Variants in MAML2 observed in about 807,000 individuals in gnomAD.
MAML2 encodes the protein mastermind like transcriptional coactivator 2.
A neutral mutation model predicts 96.1 loss-of-function variants in MAML2; 22 were observed. The ratio of observed to expected loss-of-function variants is 0.23; its 90% CI spans 0.16 to 0.33. MAML2 has a LOEUF of 0.33. MAML2 is among the 10% of genes least tolerant of loss of function. MAML2 has a pLI of 1.00. For synonymous variants in MAML2, 561 were observed against 521.3 expected, an observed-to-expected ratio of 1.08 and a Z score of -1.04; for missense variants, 1,367 against 1,392.4, an observed-to-expected ratio of 0.98 and a Z score of 0.29.
At chr11:96,008,234 G>A (rs115654477) in intron 2 of MAML2, among the ~76,000 whole-genome samples, 3 of 28,018 alleles carry the variant, frequency 1.1e-4, no homozygotes, top group African/African-American at 2.0e-4. Context: ...TGGGTAGGTT[G>A]GTTGTATCGG....
intron 1 of MAML2, among the ~76,000 whole-genome samples, chr11:96,314,405 C>A (rs1863599786): frequency 6.6e-6 from 1 of 152,178 alleles, no homozygotes; most frequent in African/African-American, 2.4e-5. Context: ...TCTTGATATC[C>A]CCTCTTTCCT....
intron 1 of MAML2, among the ~76,000 whole-genome samples, chr11:96,143,059 T>G (rs1860760724): frequency 6.6e-6 from 1 of 152,226 alleles, no homozygotes; most frequent in African/African-American, 2.4e-5. Flanking sequence ...ATTTAGACTT[T>G]TATTGGAATA....
At chr11:96,054,809 A>C (rs1321210495) in intron 2 of MAML2, among the ~76,000 whole-genome samples, 1 of 152,192 alleles carries the variant, frequency 6.6e-6, no homozygotes, top group Non-Finnish European at 1.5e-5. Context: ...AAACTAAATA[A>C]AGAGTTTGAG....
At chr11:96,159,274 T>G (rs559115070) in intron 1 of MAML2, among the ~76,000 whole-genome samples, 1 of 152,242 alleles carries the variant, frequency 6.6e-6, no homozygotes, top group East Asian at 1.9e-4. Context: ...GGATGAAGTC[T>G]CCACAGCAGT....
chr11:96,275,313 T>A (rs1202614888), intron 1 of MAML2, among the ~76,000 whole-genome samples: 1 of 143,430 alleles, frequency 7.0e-6, no homozygotes, highest in Non-Finnish European at 1.5e-5. Flanking sequence ...AGTCTCGCTC[T>A]GTCACCCAGG....
intron 1 of MAML2, among the ~76,000 whole-genome samples, chr11:96,191,847 T>C (rs1861658777): frequency 6.6e-6 from 1 of 151,394 alleles, no homozygotes; most frequent in Admixed American, 6.6e-5. Context: ...GCTAACTGGA[T>C]GTAGACCCAA....
chr11:96,146,913 C>A (rs911742533), intron 1 of MAML2, among the ~76,000 whole-genome samples: 3 of 152,034 alleles, frequency 2.0e-5, no homozygotes, highest in Admixed American at 6.5e-5. Context: ...TGGTGCCAGA[C>A]CAACCTGTTT....
At chr11:96,033,515 T>A (rs1858651471) in intron 2 of MAML2, among the ~76,000 whole-genome samples, 1 of 152,236 alleles carries the variant, frequency 6.6e-6, no homozygotes, top group Admixed American at 6.5e-5. Flanking sequence ...GTGAGCTCCT[T>A]GAAGACAGGG....
intron 1 of MAML2, among the ~76,000 whole-genome samples, chr11:96,271,545 C>T (rs1862915305): frequency 6.6e-6 from 1 of 152,174 alleles, no homozygotes; most frequent in Non-Finnish European, 1.5e-5. Flanking sequence ...ATGCTGTTCT[C>T]ATGATAGTGA....
At chr11:96,019,673 GATAATAATAATTATAATAATA>G (rs1231614763) in intron 2 of MAML2, among the ~76,000 whole-genome samples, 7 of 12,452 alleles carry the variant, frequency 5.6e-4, no homozygotes, top group Admixed American at 7.5e-4. Context: ...GCCAAGGGCT[GATAATAATAATTATAATAATA>G]ATAATAATAA....
intron 1 of MAML2, among the ~76,000 whole-genome samples, chr11:96,295,943 C>CACACACACAG (rs1410114008): frequency 2.9e-5 from 4 of 135,762 alleles, no homozygotes; most frequent in African/African-American, 1.0e-4. Flanking sequence ...AGTAAACACA[C>CACACACACAG]ACACACACAC....
chr11:96,205,860 A>AGCTAAT (rs1717125939), intron 1 of MAML2, among the ~76,000 whole-genome samples: 1 of 152,206 alleles, frequency 6.6e-6, no homozygotes, highest in Admixed American at 6.5e-5. Context: ...TCTGGCTTAC[A>AGCTAAT]GCTAATACAG....
chr11:96,076,562 A>C (rs1228877889), intron 2 of MAML2, among the ~76,000 whole-genome samples: 1 of 151,924 alleles, frequency 6.6e-6, no homozygotes, highest in Non-Finnish European at 1.5e-5. Flanking sequence ...CGGCATCTGA[A>C]TTTGGCAGGG....
intron 1 of MAML2, among the ~76,000 whole-genome samples, chr11:96,133,466 C>T (rs898045259): frequency 6.6e-6 from 1 of 151,996 alleles, no homozygotes; most frequent in African/African-American, 2.4e-5. Context: ...AGTGGTAGCC[C>T]GTATACAGTC....
At chr11:96,124,649 C>A (rs1349527292) in intron 1 of MAML2, among the ~76,000 whole-genome samples, 2 of 152,134 alleles carry the variant, frequency 1.3e-5, no homozygotes, top group Non-Finnish European at 2.9e-5. Flanking sequence ...ATCATCACTA[C>A]CATCATTATG....
At chr11:96,123,975 T>C (rs371322860) in intron 1 of MAML2, among the ~76,000 whole-genome samples, 2 of 150,552 alleles carry the variant, frequency 1.3e-5, no homozygotes, top group East Asian at 3.9e-4. Flanking sequence ...GAGGCTGTAG[T>C]AGGAGAGTCG....
chr11:96,120,791 T>G (rs1273566856), intron 1 of MAML2, among the ~76,000 whole-genome samples: 1 of 152,124 alleles, frequency 6.6e-6, no homozygotes, highest in African/African-American at 2.4e-5. Context: ...AAAGAGTCCC[T>G]GGATGATGAT....
chr11:96,242,827 AC>A (rs1862454229), intron 1 of MAML2, among the ~76,000 whole-genome samples: 1 of 152,228 alleles, frequency 6.6e-6, no homozygotes, highest in South Asian at 2.1e-4. Flanking sequence ...ACTTAGGTTT[AC>A]CTGTGGAAGC....
intron 2 of MAML2, among the ~76,000 whole-genome samples, chr11:95,999,891 C>T (rs552937588): frequency 6.6e-6 from 1 of 152,274 alleles, no homozygotes; most frequent in South Asian, 2.1e-4. Flanking sequence ...TCCCTACCCA[C>T]TTCTCTCTTT....
Sources: gnomAD v4.1 joint callset for allele counts (sites outside exome capture counted in the v4.1 genomes callset) on GRCh38, gnomAD v4.1.1 for gene constraint, MANE v1.5 for transcripts, NCBI Gene and HGNC (gene_info 2026-07-23, HGNC 2026-07-21) for gene names.